Variants in RNLS observed in about 807,000 individuals in gnomAD.
The protein encoded by RNLS is renalase, FAD dependent amine oxidase, also known as renalase.
In RNLS, 39 loss-of-function variants were observed where a neutral mutation model predicts 39.8. That is an observed-to-expected ratio of 0.98 (90% CI 0.76 to 1.28). The LOEUF (loss-of-function observed/expected upper bound fraction) is 1.28. Among genes scored for constraint, RNLS ranks in the 50% most tolerant of loss-of-function variants. RNLS has a pLI of 0.00. For missense variants in RNLS, 410 were observed against 413.3 expected, an observed-to-expected ratio of 0.99 and a Z score of 0.07; for synonymous variants, 147 against 150.7, an observed-to-expected ratio of 0.98 and a Z score of 0.18.
chr10:88,345,584 C>T (rs566531011), intron 5 of RNLS, among the ~76,000 whole-genome samples: 1 of 152,204 alleles, frequency 6.6e-6, no homozygotes, highest in South Asian at 2.1e-4. Flanking sequence ...AACTAATGGA[C>T]CAAAACCATA....
chr10:88,363,310 G>T (rs1157074552), intron 4 of RNLS, among the ~76,000 whole-genome samples: 2 of 152,020 alleles, frequency 1.3e-5, no homozygotes, highest in Non-Finnish European at 2.9e-5. Context: ...TTAATACCTA[G>T]GGGATGGGAT....
intron 4 of RNLS, among the ~76,000 whole-genome samples, chr10:88,380,379 T>G (rs1851357734): frequency 7.5e-6 from 1 of 133,942 alleles, no homozygotes; most frequent in Non-Finnish European, 1.6e-5. Context: ...TTTTTTTTTT[T>G]TTTTTTTTTT....
intron 4 of RNLS, among the ~76,000 whole-genome samples, chr10:88,480,112 T>G (rs1162717137): frequency 6.6e-6 from 1 of 152,206 alleles, no homozygotes; most frequent in Non-Finnish European, 1.5e-5. Context: ...TGCATAGGCC[T>G]ATTTTCCTAT....
intron 4 of RNLS, among the ~76,000 whole-genome samples, chr10:88,534,163 G>C (rs890279515): frequency 1.1e-4 from 17 of 152,076 alleles, no homozygotes; most frequent in African/African-American, 3.9e-4. Flanking sequence ...GGTCACTGGG[G>C]ATGGCCTTTA....
chr10:88,475,315 A>G (rs1301793209), intron 4 of RNLS, among the ~76,000 whole-genome samples: 1 of 152,220 alleles, frequency 6.6e-6, no homozygotes, highest in Admixed American at 6.5e-5. Flanking sequence ...AGAGAAAGGC[A>G]TCTGGAACTG....
At chr10:88,287,505 C>T (rs1843355311) in intron 6 of RNLS, among the ~76,000 whole-genome samples, 1 of 152,056 alleles carries the variant, frequency 6.6e-6, no homozygotes, top group Non-Finnish European at 1.5e-5. Flanking sequence ...GGCTAGGATT[C>T]TAGATATTAG....
intron 4 of RNLS, among the ~76,000 whole-genome samples, chr10:88,543,280 C>T (rs1057318212): frequency 5.3e-5 from 8 of 152,246 alleles, no homozygotes; most frequent in African/African-American, 1.9e-4. Flanking sequence ...TCATCCACAG[C>T]TCCCAGTGTT....
chr10:88,555,774 C>G (rs890030232), intron 4 of RNLS, among the ~76,000 whole-genome samples: 6 of 152,238 alleles, frequency 3.9e-5, no homozygotes, highest in Non-Finnish European at 5.9e-5. Context: ...TCTTCAAACA[C>G]TTTCTTGGCC....
At chr10:88,309,657 A>G (rs1440628515) in intron 6 of RNLS, among the ~76,000 whole-genome samples, 1 of 152,210 alleles carries the variant, frequency 6.6e-6, no homozygotes, top group African/African-American at 2.4e-5. Context: ...TGGGAGGGGA[A>G]TAAAAGGATA....
At position 88,418,703 on chromosome 10, in the gene RNLS, AG is replaced by A. The variant is rs1854193762; in HGVS notation, c.527-55979del. Reference sequence around the variant, plus strand: ...ATGGAATTGCACAAGTGGTTCAAGCAGTCAGGATAAGTTGGTTACACCTCTC... The same window carrying A: ...ATGGAATTGCACAAGTGGTTCAAGCATCAGGATAAGTTGGTTACACCTCTC... On this transcript the variant is annotated intron_variant, in intron 4 of 6. Transcript: ENST00000331772. 4.6e-5 allele frequency among the ~76,000 whole-genome samples: 7 copies of A among 152,212 alleles called. No homozygotes were observed. The South Asian group carries it at 8.3e-4, about 18-fold the overall frequency.
rs1292917068 is a variant in RNLS at position 88,306,769 on chromosome 10, C to A, written c.876+7697G>T. ...AGATGTACAAAGAGCTGGTACCATTCCTGCTGAAACTATTCCAAAAATTTG... is the reference window on the plus strand; with the variant it reads ...AGATGTACAAAGAGCTGGTACCATTACTGCTGAAACTATTCCAAAAATTTG... On this transcript the variant is annotated intron_variant, in intron 6 of 6. Transcript: ENST00000331772. Among the ~76,000 whole-genome samples the A allele has an allele frequency of 2.0e-5, 3 of 152,244 alleles. No individual in the cohort carries two copies. The East Asian group carries it at 5.8e-4, about 29-fold the overall frequency.
chr10:88,352,742 T>G (rs1848815577), intron 5 of RNLS, among the ~76,000 whole-genome samples: 1 of 152,252 alleles, frequency 6.6e-6, no homozygotes, highest in Non-Finnish European at 1.5e-5. Context: ...ATTCCCTCTT[T>G]TTCTACCGAT....
the RNLS span, among the ~76,000 whole-genome samples, chr10:88,257,844 T>C: frequency 1.3e-5 from 2 of 152,170 alleles, no homozygotes; most frequent in African/African-American, 4.8e-5. Context: ...AATCCATGAC[T>C]ATAAATGACT....
At position 88,430,658 on chromosome 10, in the gene RNLS, TCTATTCCTGGTTTG is replaced by T. The variant is rs1399949875; in HGVS notation, c.527-67947_527-67934del. 9.9e-5 allele frequency among the ~76,000 whole-genome samples: 15 copies of T among 151,952 alleles called. 1 individual carries two copies. Among genetic ancestry groups the T allele is most frequent in the East Asian group, 5.8e-4 (3 of 5,188 alleles). On this transcript the variant is annotated intron_variant, in intron 4 of 6. Coordinates refer to ENST00000331772, the MANE Select transcript of RNLS (RefSeq NM_001031709.3). ...TGGCCATTGATTGAGAAAGTTCCCT[TCTATTCCTGGTTTG>T]CTATTCCTGGTTTGCTAACAGTTTT...
chr10:88,353,654 G>A (rs1848912290), intron 5 of RNLS, among the ~76,000 whole-genome samples: 1 of 152,204 alleles, frequency 6.6e-6, no homozygotes, highest in Non-Finnish European at 1.5e-5. Flanking sequence ...TTTGGAATAG[G>A]TGCAGTGTGG....
chr10:88,390,605 T>G (rs994683288), intron 4 of RNLS, among the ~76,000 whole-genome samples: 2 of 150,904 alleles, frequency 1.3e-5, no homozygotes, highest in Non-Finnish European at 3.0e-5. Flanking sequence ...TTGGTGCACC[T>G]CAGATTTTAA....
At chr10:88,415,082 GA>G (rs1853932687) in intron 4 of RNLS, among the ~76,000 whole-genome samples, 1 of 152,208 alleles carries the variant, frequency 6.6e-6, no homozygotes, top group Admixed American at 6.5e-5. Context: ...TGGCATGTAG[GA>G]TGGTCTTGCT....
At chr10:88,390,954 C>T (rs1300872041) in intron 4 of RNLS, among the ~76,000 whole-genome samples, 1 of 152,104 alleles carries the variant, frequency 6.6e-6, no homozygotes, top group Non-Finnish European at 1.5e-5. Context: ...TAATAGACAC[C>T]TAATTTCCCA....
At chr10:88,242,051 T>A in the RNLS span, among the ~76,000 whole-genome samples, 2 of 152,210 alleles carry the variant, frequency 1.3e-5, no homozygotes, top group African/African-American at 4.8e-5. Context: ...AGGTGCAATC[T>A]ATTTTTCATC....
Sources: allele counts gnomAD v4.1 joint callset (sites outside exome capture counted in the v4.1 genomes callset), GRCh38; gene constraint gnomAD v4.1.1; transcripts MANE v1.5; gene names NCBI Gene and HGNC (gene_info 2026-07-23, HGNC 2026-07-21).